The following PUDP variants were observed in gnomAD, a reference collection of about 807,000 sequenced individuals.
The protein encoded by PUDP is pseudouridine-5'-phosphatase.
A neutral mutation model predicts 9.4 loss-of-function variants in PUDP; 8 were observed. The observed-to-expected ratio is 0.85, with a 90% CI of 0.50 to 1.53. PUDP has a LOEUF of 1.53. PUDP is among the 40% of genes most tolerant of loss of function. The probability of loss-of-function intolerance (pLI) is 0.00; values close to 1 mark genes in which losing one functional copy is unlikely to be tolerated. For missense variants in PUDP, 188 were observed against 189.7 expected, an observed-to-expected ratio of 0.99 and a Z score of 0.05; for synonymous variants, 99 against 80.7, an observed-to-expected ratio of 1.23 and a Z score of -1.22.
intron 1 of PUDP, among the ~76,000 whole-genome samples, chrX:7,011,017 C>A (rs1929469068): frequency 8.9e-6 from 1 of 112,486 alleles, no homozygotes; most frequent in Non-Finnish European, 1.9e-5. Flanking sequence ...AACCCAGGTT[C>A]TAAAGGCTCT....
At chrX:6,707,687 G>A (rs970234916) in intron 1 of PUDP, among the ~76,000 whole-genome samples, 6 of 111,204 alleles carry the variant, frequency 5.4e-5, no homozygotes, top group South Asian at 3.8e-4. Flanking sequence ...GATGGGGAGC[G>A]GCTGTAAATG....
At chrX:6,739,993 C>T (rs976336237) in intron 3 of PUDP, among the ~76,000 whole-genome samples, 1 of 111,211 alleles carries the variant, frequency 9.0e-6, no homozygotes, top group Non-Finnish European at 1.9e-5. Context: ...TTTTATTTAT[C>T]GCAGAATGTC....
intron 3 of PUDP, among the ~76,000 whole-genome samples, chrX:6,858,736 G>A (rs1212844919): frequency 8.9e-6 from 1 of 112,023 alleles, no homozygotes. Context: ...TTTATAGTAA[G>A]TTGGTACAAA....
At chrX:6,994,568 T>C (rs1329258925) in intron 1 of PUDP, among the ~76,000 whole-genome samples, 1 of 111,465 alleles carries the variant, frequency 9.0e-6, no homozygotes, top group East Asian at 2.8e-4. Context: ...CCAGAATTGG[T>C]GGCAAAACCC....
chrX:6,706,092 G>T (rs1372233047), intron 2 of PUDP, among the ~76,000 whole-genome samples: 2 of 112,208 alleles, frequency 1.8e-5, no homozygotes, highest in African/African-American at 6.5e-5. Context: ...GACAAATATT[G>T]TATGATTCCA....
At chrX:6,780,426 T>C (rs1049720320) in intron 3 of PUDP, among the ~76,000 whole-genome samples, 9 of 111,063 alleles carry the variant, frequency 8.1e-5, no homozygotes, top group Non-Finnish European at 1.7e-4. Context: ...TATTTAGATA[T>C]AGATATAAAC....
chrX:7,147,719 G>A (rs1932900429), intron 1 of PUDP: 1 of 112,875 alleles, frequency 8.9e-6, no homozygotes, highest in South Asian at 3.6e-4. Flanking sequence ...CTCGCTCTGA[G>A]GAGAGGACGC....
intron 3 of PUDP, among the ~76,000 whole-genome samples, chrX:6,750,816 T>C (rs143548272): frequency 1.8e-5 from 2 of 111,711 alleles, no homozygotes; most frequent in Non-Finnish European, 1.9e-5. Context: ...CTGGACACTA[T>C]CAAGAATATC....
chrX:6,982,351 AG>A (rs1279601771), intron 1 of PUDP, among the ~76,000 whole-genome samples: 3 of 111,498 alleles, frequency 2.7e-5, no homozygotes, highest in African/African-American at 9.8e-5. Flanking sequence ...ATATCCCCGA[AG>A]GCTTGGAGGT....
chrX:6,932,604 C>A (rs979564611), intron 3 of PUDP, among the ~76,000 whole-genome samples: 1 of 106,032 alleles, frequency 9.4e-6, no homozygotes, highest in Non-Finnish European at 2.0e-5. Flanking sequence ...CACTAGGGAG[C>A]GCCAGACAGT....
intron 3 of PUDP, among the ~76,000 whole-genome samples, chrX:7,065,470 C>T (rs1328867760): frequency 2.7e-5 from 3 of 112,453 alleles, no homozygotes; most frequent in Non-Finnish European, 5.6e-5. Flanking sequence ...TTATGTCCCC[C>T]TCTCCACTGG....
At chrX:7,081,913 C>T (rs778136062) in intron 2 of PUDP, among the ~76,000 whole-genome samples, 1 of 112,919 alleles carries the variant, frequency 8.9e-6, no homozygotes, top group South Asian at 3.6e-4. Context: ...CGATCCTAAT[C>T]ACCTGATTCA....
chrX:7,009,236 T>C (rs760635307), intron 1 of PUDP, among the ~76,000 whole-genome samples: 2 of 112,470 alleles, frequency 1.8e-5, no homozygotes, highest in Non-Finnish European at 3.8e-5. Context: ...TTAGTTGGTA[T>C]ATTCTTCCTA....
chrX:6,820,697 A>G (rs1460852421), intron 3 of PUDP, among the ~76,000 whole-genome samples: 1 of 112,258 alleles, frequency 8.9e-6, no homozygotes, highest in African/African-American at 3.2e-5. Context: ...TCACACTGAT[A>G]TAAGAGGTGG....
At chrX:6,752,823 G>T (rs908949041) in intron 3 of PUDP, among the ~76,000 whole-genome samples, 1 of 111,760 alleles carries the variant, frequency 8.9e-6, no homozygotes, top group South Asian at 3.8e-4. Flanking sequence ...TAATCATATG[G>T]TTGGTCACCT....
intron 2 of PUDP, among the ~76,000 whole-genome samples, chrX:7,104,699 T>G (rs1018402881): frequency 6.3e-5 from 7 of 111,745 alleles, no homozygotes; most frequent in African/African-American, 2.3e-4. Context: ...TACCCATGCC[T>G]GAGATTCACA....
At chrX:6,874,778 A>G (rs1927227777) in intron 3 of PUDP, among the ~76,000 whole-genome samples, 1 of 112,191 alleles carries the variant, frequency 8.9e-6, no homozygotes, top group Admixed American at 9.5e-5. Context: ...ACTATTGACT[A>G]ATGTTTCTTT....
At chrX:6,958,745 C>CAAAAAAAAAAAAAAAAAAACAAAA (rs1928665051) in intron 3 of PUDP, among the ~76,000 whole-genome samples, 1 of 60,727 alleles carries the variant, frequency 1.6e-5, no homozygotes, top group Non-Finnish European at 3.0e-5. Flanking sequence ...AATGCCATCT[C>CAAAAAAAAAAAAAAAAAAACAAAA]AAAAAAAAAA....
intron 3 of PUDP, among the ~76,000 whole-genome samples, chrX:6,921,846 G>A (rs748154802): frequency 9.0e-6 from 1 of 110,866 alleles, no homozygotes; most frequent in African/African-American, 3.3e-5. Context: ...TCCTTCAATT[G>A]TGTGTTTCCT....
Sources: gnomAD v4.1 joint callset for allele counts (sites outside exome capture counted in the v4.1 genomes callset) on GRCh38, gnomAD v4.1.1 for gene constraint, MANE v1.5 for transcripts, NCBI Gene and HGNC (gene_info 2026-07-23, HGNC 2026-07-21) for gene names.